The following EXOC4 variants were observed in gnomAD, a reference collection of about 807,000 sequenced individuals.
EXOC4 encodes SEC8-like 1.
In EXOC4, 71 loss-of-function variants were observed where a neutral mutation model predicts 107.2. The observed-to-expected ratio is 0.66, with a 90% CI of 0.55 to 0.81. The LOEUF is 0.81. EXOC4 is among the 30% of genes least tolerant of loss of function. The pLI is 0.00. For missense variants in EXOC4, 1,108 were observed against 1,189.6 expected, an observed-to-expected ratio of 0.93 and a Z score of 1.01; for synonymous variants, 456 against 441.2, an observed-to-expected ratio of 1.03 and a Z score of -0.42.
At chr7:133,738,511 C>A (rs1008326199) in intron 10 of EXOC4, among the ~76,000 whole-genome samples, 9 of 152,242 alleles carry the variant, frequency 5.9e-5, no homozygotes, top group Non-Finnish European at 2.9e-5. Flanking sequence ...TAACTTCTTA[C>A]TCTTTGAGCT....
intron 9 of EXOC4, among the ~76,000 whole-genome samples, chr7:133,564,390 G>A (rs1367184094): frequency 1.3e-5 from 2 of 152,048 alleles, no homozygotes; most frequent in African/African-American, 2.4e-5. Context: ...CCACCCCTAC[G>A]ATCCAGTCAC....
intron 14 of EXOC4, among the ~76,000 whole-genome samples, chr7:133,950,218 A>G (rs1040083849): frequency 4.6e-5 from 7 of 152,200 alleles, no homozygotes; most frequent in Non-Finnish European, 1.0e-4. Context: ...TTCAGTAAAT[A>G]TAGACTGTCT....
chr7:134,089,231 C>A, the EXOC4 span, among the ~76,000 whole-genome samples: 1 of 152,174 alleles, frequency 6.6e-6, no homozygotes, highest in Non-Finnish European at 1.5e-5. Context: ...TTGCTGAAAT[C>A]TTCAGCTTTA....
At chr7:133,747,067 G>A (rs535924194) in intron 10 of EXOC4, among the ~76,000 whole-genome samples, 5 of 152,274 alleles carry the variant, frequency 3.3e-5, no homozygotes, top group African/African-American at 9.6e-5. Flanking sequence ...CAAAAGGTAT[G>A]TTGTTTGAAG....
intron 15 of EXOC4, among the ~76,000 whole-genome samples, chr7:133,998,929 T>C (rs948925524): frequency 4.6e-5 from 7 of 152,032 alleles, no homozygotes; most frequent in African/African-American, 1.4e-4. Flanking sequence ...ACAGATTGTA[T>C]TGGACACAGG....
chr7:133,537,312 C>T (rs1800292505), intron 9 of EXOC4, among the ~76,000 whole-genome samples: 1 of 145,670 alleles, frequency 6.9e-6, no homozygotes, highest in African/African-American at 2.6e-5. Context: ...CCCCCCACCA[C>T]ACCTGACTAA....
At chr7:133,407,500 T>C (rs1274697005) in intron 7 of EXOC4, among the ~76,000 whole-genome samples, 1 of 152,148 alleles carries the variant, frequency 6.6e-6, no homozygotes, top group East Asian at 1.9e-4. Flanking sequence ...AAGTCTACGA[T>C]TGGGTATAGA....
At chr7:133,774,487 C>G (rs968968137) in intron 10 of EXOC4, among the ~76,000 whole-genome samples, 5 of 152,106 alleles carry the variant, frequency 3.3e-5, no homozygotes, top group Non-Finnish European at 1.5e-5. Flanking sequence ...AATGTTAACT[C>G]CAGTTGAGGT....
rs576740570 is a variant in EXOC4, at chr7:133,391,026, T to C, written c.1182+16024T>C. On this transcript the variant is annotated intron_variant, in intron 7 of 17. Transcript: ENST00000253861. ...CAGTAAGATTATATAGAAAATCTTA[T>C]AGCTCTCAAAGGTGCAGATTATATT... is the stretch of plus-strand genomic sequence containing the variant. Among the ~76,000 whole-genome samples, 5 of 152,354 alleles carry C rather than the reference T, an allele frequency of 3.3e-5. No individual in the cohort carries two copies. In the South Asian group the frequency reaches 1.0e-3, roughly 32 times the overall value.
At chr7:133,412,750 G>T (rs1797391010) in intron 7 of EXOC4, among the ~76,000 whole-genome samples, 1 of 152,056 alleles carries the variant, frequency 6.6e-6, no homozygotes, top group African/African-American at 2.4e-5. Context: ...TAATCATAGA[G>T]AAGTTTTTCA....
At chr7:133,718,849 G>A (rs1292322487) in intron 10 of EXOC4, among the ~76,000 whole-genome samples, 2 of 152,148 alleles carry the variant, frequency 1.3e-5, no homozygotes, top group African/African-American at 4.8e-5. Flanking sequence ...GGGATAGTGG[G>A]TGGACCCACT....
intron 3 of EXOC4, among the ~76,000 whole-genome samples, chr7:133,304,088 A>T (rs1199979387): frequency 6.6e-6 from 1 of 152,174 alleles, no homozygotes; most frequent in East Asian, 1.9e-4. Context: ...TCAAGTGTGG[A>T]TGTGCAGTGG....
At chr7:133,342,007 G>A (rs949488382) in intron 5 of EXOC4, among the ~76,000 whole-genome samples, 5 of 152,142 alleles carry the variant, frequency 3.3e-5, no homozygotes, top group South Asian at 2.1e-4. Flanking sequence ...TATCTTTTAC[G>A]TGGAGCGTTT....
the EXOC4 span, among the ~76,000 whole-genome samples, chr7:134,092,614 T>C: frequency 6.6e-6 from 1 of 152,096 alleles, no homozygotes; most frequent in South Asian, 2.1e-4. Context: ...CAAAGTAAGC[T>C]TCATGAGCAA....
intron 5 of EXOC4, among the ~76,000 whole-genome samples, chr7:133,329,697 C>G (rs779055384): frequency 2.6e-5 from 4 of 152,148 alleles, no homozygotes; most frequent in Non-Finnish European, 5.9e-5. Context: ...TGTAGGTCTG[C>G]TGGAGTTTGC....
intron 14 of EXOC4, among the ~76,000 whole-genome samples, chr7:133,947,628 G>A (rs535190925): frequency 2.6e-5 from 4 of 152,176 alleles, no homozygotes; most frequent in Non-Finnish European, 5.9e-5. Context: ...ATTGTCCTGT[G>A]CTGATTAGAA....
At chr7:133,823,896 T>A (rs1421034599) in intron 11 of EXOC4, among the ~76,000 whole-genome samples, 2 of 19,200 alleles carry the variant, frequency 1.0e-4, no homozygotes, top group South Asian at 2.5e-3. Context: ...ATATATATTT[T>A]ATATATATAT....
At chr7:133,971,347 TATATATATATATATAGAGAGAG>T (rs1284895741) in intron 14 of EXOC4, among the ~76,000 whole-genome samples, 2 of 97,536 alleles carry the variant, frequency 2.1e-5, no homozygotes, top group Non-Finnish European at 4.0e-5. Flanking sequence ...TATATATATA[TATATATATATATATAGAGAGAG>T]AGAGAGAGAG....
chr7:133,651,464 AATT>A (rs1282821366), intron 10 of EXOC4, among the ~76,000 whole-genome samples: 1 of 152,190 alleles, frequency 6.6e-6, no homozygotes, highest in African/African-American at 2.4e-5. Context: ...TAGTATGAAA[AATT>A]ATCACATTAT....
Sources: allele counts gnomAD v4.1 joint callset (sites outside exome capture counted in the v4.1 genomes callset), GRCh38; gene constraint gnomAD v4.1.1; transcripts MANE v1.5; gene names NCBI Gene and HGNC (gene_info 2026-07-23, HGNC 2026-07-21).